CUBN: variants seen among roughly 807,000 people sequenced by gnomAD.
CUBN encodes the protein 460 kDa receptor.
CUBN carries 282 observed loss-of-function variants against 405.3 expected under a neutral mutation model. That is an observed-to-expected ratio of 0.70 (90% CI 0.63 to 0.77). CUBN has a LOEUF of 0.77. Ranked by LOEUF, CUBN falls within the 30% of genes least tolerant of loss-of-function variation. The pLI is 0.00. For synonymous variants in CUBN, 1,684 were observed against 1,617.0 expected, an observed-to-expected ratio of 1.04 and a Z score of -0.99; for missense variants, 4,514 against 4,475.2, an observed-to-expected ratio of 1.01 and a Z score of -0.25.
chr10:16,826,145 G>T (rs1341976517), intron 66 of CUBN, among the ~76,000 whole-genome samples: 4 of 152,042 alleles, frequency 2.6e-5, no homozygotes, highest in Non-Finnish European at 5.9e-5. Flanking sequence ...AGGGATATAG[G>T]ATTTCCCTGT....
rs902295594 is a variant in CUBN at position 16,960,257 on chromosome 10, C to T, written c.4696-5709G>A. On this transcript the variant is annotated intron_variant, in intron 31 of 66. Coordinates refer to ENST00000377833, the MANE Select transcript of CUBN (RefSeq NM_001081.4). ...CTGTAATCCCAGCACTTTGGGAGAC[C>T]GAGGCAGGTGGATCACCTGAGGTCA... is the stretch of plus-strand genomic sequence containing the variant. Among the ~76,000 whole-genome samples, 17 of 152,124 alleles carry T rather than the reference C, an allele frequency of 1.1e-4. 1 individual carries two copies. Among genetic ancestry groups the T allele is most frequent in the East Asian group, 5.8e-4 (3 of 5,190 alleles).
At chr10:17,099,734 C>G (rs906400085) in intron 14 of CUBN, among the ~76,000 whole-genome samples, 1 of 151,976 alleles carries the variant, frequency 6.6e-6, no homozygotes, top group African/African-American at 2.4e-5. Flanking sequence ...CACCTGTAGT[C>G]CCAGCTACTC....
chr10:17,073,279 G>A (rs1835779690), intron 17 of CUBN, among the ~76,000 whole-genome samples: 1 of 152,006 alleles, frequency 6.6e-6, no homozygotes, highest in South Asian at 2.1e-4. Flanking sequence ...TGCAAGAAAG[G>A]TTAGAAATTA....
intron 54 of CUBN, among the ~76,000 whole-genome samples, chr10:16,894,360 CTATTT>C (rs1841118673): frequency 6.6e-6 from 1 of 151,960 alleles, no homozygotes; most frequent in Non-Finnish European, 1.5e-5. Context: ...AGTCTATCAT[CTATTT>C]TGAGTGAGGT....
In CUBN at chr10:16,883,859, A is replaced by G. The variant is rs568703617; in HGVS notation, c.8905+4558T>C. 4.6e-5 allele frequency among the ~76,000 whole-genome samples: 7 copies of G among 152,362 alleles called. No individual in the cohort carries two copies. In the South Asian group the frequency reaches 1.4e-3, roughly 32 times the overall value. On this transcript the variant is annotated intron_variant, in intron 56 of 66. Coordinates refer to ENST00000377833, the MANE Select transcript of CUBN (RefSeq NM_001081.4). ...CTTGTCAAGAATTACTGGATCTGAG[A>G]AACACTGAGTTTACAGTTTACGGCG...
chr10:16,890,684 A>T (rs888879957), intron 54 of CUBN, among the ~76,000 whole-genome samples, 157 bp from the exon 55 acceptor site: 3 of 152,176 alleles, frequency 2.0e-5, no homozygotes, highest in Non-Finnish European at 4.4e-5. Context: ...TTTGAGAATA[A>T]TTTTTTTAAA....
chr10:16,963,144 T>A (rs1843280614), intron 31 of CUBN, among the ~76,000 whole-genome samples: 1 of 151,798 alleles, frequency 6.6e-6, no homozygotes, highest in African/African-American at 2.4e-5. Context: ...TCTCATTTCG[T>A]TCCAGAAATT....
chr10:16,890,959 G>C (rs1840987934), intron 54 of CUBN, among the ~76,000 whole-genome samples: 1 of 152,146 alleles, frequency 6.6e-6, no homozygotes, highest in Admixed American at 6.5e-5. Flanking sequence ...GCACATCGTG[G>C]TGCATGAAGA....
chr10:17,091,428 A>G (rs1193659360), intron 14 of CUBN, among the ~76,000 whole-genome samples: 1 of 152,192 alleles, frequency 6.6e-6, no homozygotes, highest in Admixed American at 6.5e-5. Context: ...AGAGAAAATC[A>G]AGCATTTATC....
rs145026134 is a variant in CUBN, at chr10:16,939,070, A to C, written c.5626T>G (p.Ser1876Ala). The C allele has an allele frequency of 9.7e-5, 157 of 1,613,818 alleles. No homozygotes were observed. In the African/African-American group the frequency reaches 1.4e-3, roughly 14 times the overall value. Residue 1876 changes from serine (S) to alanine (A), a missense_variant, in exon 38 of 67, where the codon TCC becomes GCC. This residue lies in a region of CUBN where 1,613 missense variants were observed against 1,542.8 expected (regional missense o/e 1.05). Coordinates refer to ENST00000377833, the MANE Select transcript of CUBN (RefSeq NM_001081.4). Reference sequence around the variant, plus strand: ...ACATTTACTGTCCATTGGTAATTGGAGTTATGTGGGTAGTTTTCAGGCCAG... The same window carrying C: ...ACATTTACTGTCCATTGGTAATTGGCGTTATGTGGGTAGTTTTCAGGCCAG... ...PFWPENYPHN[S>A]NYQWTVNVNA...
intron 8 of CUBN, among the ~76,000 whole-genome samples, chr10:17,111,971 T>C (rs1836781536): frequency 6.6e-6 from 1 of 152,142 alleles, no homozygotes; most frequent in African/African-American, 2.4e-5. Context: ...TACTCCTAAT[T>C]TGGGGAAAGA....
chr10:16,940,057 C>G lies in CUBN; in HGVS notation c.5523G>C (p.Thr1841=), dbSNP rs767515084. The part of the protein sequence containing the change: ...RFISDGSGSG[T]GFQATFMKIF... The stretch of plus-strand genomic sequence containing the variant: ...TCTTCATAAATGTGGCCTGGAAGCC[C>G]GTGCCGCTGCCAGAACCATCTGAGA... The change falls in exon 37 of 67, where the codon ACG becomes ACC. Residue 1841 remains threonine, a synonymous_variant. Coordinates refer to ENST00000377833, the MANE Select transcript of CUBN (RefSeq NM_001081.4). 6.2e-7 allele frequency: 1 copy of G among 1,613,930 alleles called. No individual in the cohort carries two copies. Among genetic ancestry groups the G allele is most frequent in the Non-Finnish European group, 8.5e-7 (1 of 1,179,860 alleles).
chr10:16,936,730 C>T (rs373145511), intron 39 of CUBN, among the ~76,000 whole-genome samples: 2 of 152,102 alleles, frequency 1.3e-5, no homozygotes, highest in East Asian at 1.9e-4. Context: ...CTTTTCTTTT[C>T]GAAACGGAGT....
At chr10:16,880,681 G>T (rs1190473124) in intron 56 of CUBN, among the ~76,000 whole-genome samples, 2 of 152,150 alleles carry the variant, frequency 1.3e-5, no homozygotes, top group African/African-American at 4.8e-5. Flanking sequence ...AAGCATCTCT[G>T]TGCATTAAAG....
chr10:17,079,626 A>G (rs1225338236), intron 17 of CUBN, among the ~76,000 whole-genome samples: 1 of 152,076 alleles, frequency 6.6e-6, no homozygotes, highest in African/African-American at 2.4e-5. Context: ...ATTAATTTCA[A>G]TATGTACTTA....
intron 5 of CUBN, 37 bp downstream of exon 5, chr10:17,123,551 C>A: frequency 6.9e-7 from 1 of 1,439,918 alleles, no homozygotes; most frequent in African/African-American, 1.4e-5. Context: ...CAGATGCTGA[C>A]CTGCCATCAT....
chr10:16,908,180 T>C (rs1841610765), intron 48 of CUBN, among the ~76,000 whole-genome samples: 1 of 152,162 alleles, frequency 6.6e-6, no homozygotes, highest in South Asian at 2.1e-4. Flanking sequence ...AGTTTTGCTC[T>C]TGTTGCCCAG....
Position 16,899,064 on chromosome 10 carries a change from C to T in CUBN, c.8530G>A (p.Glu2844Lys), listed in dbSNP as rs757960669. Reference protein sequence around the residue: ...TAITHKSKHLEISFDNNFLIP... With the variant: ...TAITHKSKHLKISFDNNFLIP... ...AGGAAGTTGTTGTCAAAGCTGATCT[C>T]CAAGTGTTTACTTTTGTGAGTAATG... The change falls in exon 54 of 67, where the codon GAG becomes AAG. Residue 2844 changes from glutamate (E) to lysine (K), a missense_variant. This residue lies in a region of CUBN where 1,186 missense variants were observed against 1,186.9 expected (regional missense o/e 1.00). Coordinates refer to ENST00000377833, the MANE Select transcript of CUBN (RefSeq NM_001081.4). 1.2e-6 allele frequency: 2 copies of T among 1,613,754 alleles called. No individual in the cohort carries two copies. The highest frequency in any genetic ancestry group is 2.2e-5 in the East Asian group (1 of 44,868).
chr10:16,985,599 T>C (rs1224121747), intron 29 of CUBN, among the ~76,000 whole-genome samples: 1 of 152,224 alleles, frequency 6.6e-6, no homozygotes, highest in Non-Finnish European at 1.5e-5. Context: ...TACTGTAGCC[T>C]GCCCATGAGG....
Sources: allele counts gnomAD v4.1 joint callset (sites outside exome capture counted in the v4.1 genomes callset), GRCh38; gene constraint gnomAD v4.1.1; regional missense constraint gnomAD v4.1.1; transcripts MANE v1.5; gene names NCBI Gene and HGNC (gene_info 2026-07-23, HGNC 2026-07-21).